Variants in SLC16A1 observed in about 807,000 individuals in gnomAD.
SLC16A1 encodes the protein solute carrier family 16 member 1.
In SLC16A1, 11 loss-of-function variants were observed where a neutral mutation model predicts 32.2. That is an observed-to-expected ratio of 0.34 (90% confidence interval 0.21 to 0.56). SLC16A1 has a LOEUF of 0.56. Ranked by LOEUF, SLC16A1 falls within the 20% of genes least tolerant of loss-of-function variation. SLC16A1 has a pLI of 0.87. For synonymous variants in SLC16A1, 231 were observed against 226.8 expected (o/e 1.02, Z -0.17); for missense variants, 435 against 615.0 (o/e 0.71, Z 3.10).
At chr1:112,927,130 A>G (rs1648969743) in intron 2 of SLC16A1, among the ~76,000 whole-genome samples, 1 of 151,262 alleles carries the variant, frequency 6.6e-6, no homozygotes, top group Non-Finnish European at 1.5e-5. Flanking sequence ...AAAAAAAAAA[A>G]AAAAAAAAAT....
intron 2 of SLC16A1, among the ~76,000 whole-genome samples, chr1:112,928,534 T>G (rs903873509): frequency 6.6e-6 from 1 of 152,052 alleles, no homozygotes; most frequent in Non-Finnish European, 1.5e-5. Flanking sequence ...CTTTACAATA[T>G]GCCAAAAAAA....
At chr1:112,919,794 T>C (rs1457873880) in intron 3 of SLC16A1, among the ~76,000 whole-genome samples, 1 of 152,196 alleles carries the variant, frequency 6.6e-6, no homozygotes, top group Non-Finnish European at 1.5e-5. Flanking sequence ...ACAAATCTGG[T>C]TCCCTGTTGT....
intron 3 of SLC16A1, among the ~76,000 whole-genome samples, chr1:112,920,293 T>C (rs1395018012): frequency 1.3e-5 from 2 of 151,964 alleles, no homozygotes; most frequent in African/African-American, 2.4e-5. Context: ...GCCAACATGG[T>C]GAAACCCCGT....
At chr1:112,939,194 G>A (rs772291496) in intron 1 of SLC16A1, among the ~76,000 whole-genome samples, 21 of 151,998 alleles carry the variant, frequency 1.4e-4, no homozygotes, top group Non-Finnish European at 2.6e-4. Flanking sequence ...CCCGGCCAAC[G>A]TATTTCTTTT....
intron 1 of SLC16A1, among the ~76,000 whole-genome samples, chr1:112,945,198 CCT>C (rs1200714396): frequency 1.3e-5 from 2 of 151,798 alleles, no homozygotes; most frequent in African/African-American, 2.4e-5. Context: ...AGGGTTTCGC[CCT>C]GTTTGCCATG....
intron 3 of SLC16A1, among the ~76,000 whole-genome samples, chr1:112,920,878 G>A (rs564656412): frequency 6.6e-6 from 1 of 152,092 alleles, no homozygotes; most frequent in Non-Finnish European, 1.5e-5. Flanking sequence ...GGTGATTCAC[G>A]CCTGTAATCC....
intron 3 of SLC16A1, 79 bp downstream of exon 3, chr1:112,921,911 G>T: frequency 1.3e-6 from 2 of 1,489,030 alleles, no homozygotes; most frequent in East Asian, 2.3e-5. Context: ...TCACTCCAGA[G>T]ATCTGAAAGA....
intron 1 of SLC16A1, among the ~76,000 whole-genome samples, chr1:112,931,846 T>C (rs530862204): frequency 1.3e-5 from 2 of 152,142 alleles, no homozygotes; most frequent in African/African-American, 4.8e-5. Context: ...AGGTCTCCTT[T>C]ACTTTAAGCC....
chr1:112,932,392 G>T (rs1649162579), intron 1 of SLC16A1, among the ~76,000 whole-genome samples: 1 of 152,054 alleles, frequency 6.6e-6, no homozygotes, highest in African/African-American at 2.4e-5. Context: ...TAAAAATTGG[G>T]TGTGGTGGTA....
rs1648755126 is a variant in SLC16A1, at chr1:112,922,044, C to A, written c.307G>T (p.Ala103Ser). The A allele has an allele frequency of 6.2e-7, 1 of 1,614,190 alleles. No homozygotes were observed. Among genetic ancestry groups the A allele is most frequent in the East Asian group, 2.2e-5 (1 of 44,878 alleles). ...TGCTGTACGGTGTTACAGAAAGAAG[C>A]TGCAATCAAGCCACAGCCTGACAAG... is the stretch of plus-strand genomic sequence containing the variant. ...GCLSGCGLIAASFCNTVQQLY... is the reference protein window; with the variant it reads ...GCLSGCGLIASSFCNTVQQLY... Residue 103 changes from alanine to serine, a missense_variant, in exon 3 of 5, where the codon GCT becomes TCT. Coordinates refer to ENST00000369626, the MANE Select transcript of SLC16A1 (RefSeq NM_003051.4).
rs1223289933 is a variant in SLC16A1 at position 112,929,328 on chromosome 1, C to CA, written c.-21dup. The CA allele has an allele frequency of 6.2e-7, 1 of 1,600,334 alleles. No individual in the cohort carries two copies. The highest frequency in any genetic ancestry group is 1.3e-5 in the African/African-American group (1 of 74,542). The stretch of plus-strand genomic sequence containing the variant: ...TGGCATTTTAAGTGTAGATAAATTC[C>CA]AAAATGCAGGTCAAATCCAAATATC... On this transcript the variant is annotated 5_prime_UTR_variant, in exon 2 of 5. Transcript: ENST00000369626.
At chr1:112,928,824 G>C (rs1205439867) in intron 2 of SLC16A1, among the ~76,000 whole-genome samples, 2 of 152,082 alleles carry the variant, frequency 1.3e-5, no homozygotes, top group Non-Finnish European at 2.9e-5. Context: ...TTTTATAACA[G>C]TCTTTTAAAC....
chr1:112,949,284 G>A (rs1250858617), intron 1 of SLC16A1, among the ~76,000 whole-genome samples: 2 of 152,054 alleles, frequency 1.3e-5, no homozygotes, highest in Non-Finnish European at 1.5e-5. Flanking sequence ...CTCAACCTCA[G>A]GTGATCCACT....
At chr1:112,922,705 G>A (rs1648781083) in intron 2 of SLC16A1, among the ~76,000 whole-genome samples, 1 of 152,114 alleles carries the variant, frequency 6.6e-6, no homozygotes, top group Non-Finnish European at 1.5e-5. Context: ...AACCTGGGAG[G>A]TGGAGGTTGC....
In SLC16A1 at chr1:112,918,054, CAATA is replaced by C. The variant is rs149491709; in HGVS notation, c.362-14_362-11del. On this transcript the variant is annotated splice_polypyrimidine_tract_variant and intron_variant, in intron 3 of 4. Coordinates refer to ENST00000369626, the MANE Select transcript of SLC16A1 (RefSeq NM_003051.4). ...AAGGCAAGCCCAAGACCTGTGAAGA[CAATA>C]AATAAATAAATAAATAAATAAATAA... The C allele has an allele frequency of 0.53, 457,139 of 855,896 alleles. 143,238 individuals carry two copies. The highest frequency in any genetic ancestry group is 0.63 in the East Asian group (18,114 of 28,802). 53.0% of individuals were successfully genotyped at this position (855,896 alleles called of 1,614,324 possible).
At chr1:112,934,549 A>T (rs1296292860) in intron 1 of SLC16A1, among the ~76,000 whole-genome samples, 3 of 152,256 alleles carry the variant, frequency 2.0e-5, no homozygotes, top group African/African-American at 7.2e-5. Context: ...AAGCTGATCA[A>T]AACCAAAAGA....
chr1:112,934,592 T>C (rs1221500989), intron 1 of SLC16A1, among the ~76,000 whole-genome samples: 2 of 152,218 alleles, frequency 1.3e-5, no homozygotes, highest in Non-Finnish European at 2.9e-5. Flanking sequence ...GGAATAAAAT[T>C]TGTTCTGTGG....
chr1:112,933,073 A>C (rs1268074329), intron 1 of SLC16A1, among the ~76,000 whole-genome samples: 2 of 152,192 alleles, frequency 1.3e-5, no homozygotes, highest in African/African-American at 2.4e-5. Context: ...TACACTGAAA[A>C]CTATAATACT....
At chr1:112,945,025 GTCTC>G (rs1243621666) in intron 1 of SLC16A1, among the ~76,000 whole-genome samples, 4 of 143,622 alleles carry the variant, frequency 2.8e-5, no homozygotes, top group African/African-American at 5.2e-5. Flanking sequence ...TTGAGACGGA[GTCTC>G]TCTCTGTCAC....
Sources: allele counts gnomAD v4.1 joint callset (sites outside exome capture counted in the v4.1 genomes callset), GRCh38; gene constraint gnomAD v4.1.1; transcripts MANE v1.5; gene names NCBI Gene and HGNC (gene_info 2026-07-23, HGNC 2026-07-21).